MRTFB: variants seen among roughly 807,000 people sequenced by gnomAD.
The protein encoded by MRTFB is myocardin related transcription factor B, also known as myocardin-related transcription factor B.
A neutral mutation model predicts 104.2 loss-of-function variants in MRTFB; 29 were observed. That is an observed-to-expected ratio of 0.28 (90% confidence interval 0.21 to 0.38). MRTFB has a LOEUF of 0.38. MRTFB is among the 10% of genes least tolerant of loss of function. The pLI is 1.00. For synonymous variants in MRTFB, 535 were observed against 519.5 expected, an observed-to-expected ratio of 1.03 and a Z score of -0.41; for missense variants, 1,270 against 1,341.6, an observed-to-expected ratio of 0.95 and a Z score of 0.83.
intron 8 of MRTFB, 102 bp from the exon 9 acceptor site, chr16:14,234,044 T>A: frequency 1.0e-5 from 15 of 1,432,606 alleles, no homozygotes; most frequent in Non-Finnish European, 1.4e-5. Context: ...TTGCTTCTTT[T>A]CTAGTGGGCT....
chr16:14,138,973 C>T (rs2037862372), intron 2 of MRTFB, among the ~76,000 whole-genome samples: 1 of 151,984 alleles, frequency 6.6e-6, no homozygotes, highest in African/African-American at 2.4e-5. Context: ...GAAACTAGAT[C>T]TAGAAGAAAA....
At chr16:14,140,497 G>C (rs2037940005) in intron 2 of MRTFB, 47 bp from the exon 3 acceptor site, 1 of 1,375,108 alleles carries the variant, frequency 7.3e-7, no homozygotes, top group African/African-American at 1.4e-5. Context: ...GTGCAAATTG[G>C]AGAAACATAA....
chr16:14,036,569 A>C, the MRTFB span, among the ~76,000 whole-genome samples: 1 of 150,054 alleles, frequency 6.7e-6, no homozygotes, highest in Non-Finnish European at 1.5e-5. Flanking sequence ...AAATATATAC[A>C]TTCCATCATA....
chr16:14,137,972 TC>T (rs1460016006), intron 2 of MRTFB, among the ~76,000 whole-genome samples: 1 of 152,086 alleles, frequency 6.6e-6, no homozygotes, highest in African/African-American at 2.4e-5. Flanking sequence ...ATCTTTTCCT[TC>T]TTTTGGATTA....
intron 9 of MRTFB, among the ~76,000 whole-genome samples, chr16:14,237,616 T>C (rs920449952): frequency 6.6e-6 from 1 of 152,156 alleles, no homozygotes; most frequent in African/African-American, 2.4e-5. Flanking sequence ...CTGTTTGTGA[T>C]CCAGTGGGAG....
At chr16:14,255,633 A>G (rs931939350) in intron 15 of MRTFB, among the ~76,000 whole-genome samples, 3 of 152,228 alleles carry the variant, frequency 2.0e-5, no homozygotes, top group African/African-American at 7.2e-5. Context: ...AGGAGTGTAT[A>G]GCATGTGTAG....
intron 13 of MRTFB, among the ~76,000 whole-genome samples, chr16:14,250,587 G>A (rs574784024): frequency 2.2e-4 from 33 of 152,348 alleles, no homozygotes; most frequent in Admixed American, 4.6e-4. Flanking sequence ...TGTGACCACA[G>A]CAGGTTGAGG....
intron 3 of MRTFB, among the ~76,000 whole-genome samples, chr16:14,174,608 G>C (rs550875610): frequency 6.6e-6 from 1 of 152,142 alleles, no homozygotes; most frequent in Non-Finnish European, 1.5e-5. Context: ...ACTTGAGCCC[G>C]GGAGGCAGAG....
At chr16:14,031,571 G>A in the MRTFB span, among the ~76,000 whole-genome samples, 29 of 152,194 alleles carry the variant, frequency 1.9e-4, no homozygotes, top group Admixed American at 4.6e-4. Flanking sequence ...AGGACCAAGC[G>A]TAAGTGGATT....
At chr16:14,055,630 A>G in the MRTFB span, among the ~76,000 whole-genome samples, 12 of 152,214 alleles carry the variant, frequency 7.9e-5, no homozygotes, top group Middle Eastern at 3.4e-3. Flanking sequence ...TCATGATTAG[A>G]CGGAGGTTAT....
At chr16:14,122,286 A>G (rs2036888420) in intron 2 of MRTFB, among the ~76,000 whole-genome samples, 1 of 151,328 alleles carries the variant, frequency 6.6e-6, no homozygotes, top group Non-Finnish European at 1.5e-5. Context: ...TTAATGTACC[A>G]ACTTTTTTTT....
At chr16:14,036,890 TC>T in the MRTFB span, among the ~76,000 whole-genome samples, 2 of 151,286 alleles carry the variant, frequency 1.3e-5, no homozygotes, top group East Asian at 1.9e-4. Context: ...GTAGCAGCTT[TC>T]CCCTTTTCAT....
At chr16:14,138,467 A>G (rs2037834445) in intron 2 of MRTFB, among the ~76,000 whole-genome samples, 1 of 152,180 alleles carries the variant, frequency 6.6e-6, no homozygotes, top group Admixed American at 6.5e-5. Flanking sequence ...TCCATTGGAT[A>G]TGTAATTCAG....
intron 3 of MRTFB, chr16:14,200,479 A>C (rs757959372): frequency 1.2e-6 from 2 of 1,610,538 alleles, no homozygotes; most frequent in African/African-American, 2.7e-5. Context: ...TTTTCCACTT[A>C]TTCTTTCGAG....
chr16:14,157,187 T>C (rs1177694536), intron 3 of MRTFB, among the ~76,000 whole-genome samples: 1 of 152,234 alleles, frequency 6.6e-6, no homozygotes, highest in African/African-American at 2.4e-5. Context: ...TAGCTCATGA[T>C]TATATTGTGA....
In MRTFB at chr16:14,219,052, T is replaced by A. The variant is rs925803047; in HGVS notation, c.693+54T>A. 11 of 1,500,884 alleles carry A rather than the reference T, an allele frequency of 7.3e-6. No homozygotes were observed. The East Asian group carries it at 1.2e-4, about 16-fold the overall frequency. 93.0% of individuals were successfully genotyped at this position (1,500,884 alleles called of 1,614,324 possible). ...AGAAAGAAAATGCCTTGTTTTTTTT[T>A]AATATATTAAGGTAATACACTTTGA... On this transcript the variant is annotated intron_variant, in intron 8 of 16. Coordinates refer to ENST00000571589, the MANE Select transcript of MRTFB (RefSeq NM_001308142.2).
chr16:14,040,389 C>G, the MRTFB span, among the ~76,000 whole-genome samples: 1 of 151,806 alleles, frequency 6.6e-6, no homozygotes, highest in Admixed American at 6.6e-5. Flanking sequence ...GCCAGTTGCC[C>G]TTTAGAATAG....
the MRTFB span, among the ~76,000 whole-genome samples, chr16:14,012,416 A>C: frequency 1.3e-5 from 2 of 149,104 alleles, no homozygotes; most frequent in Non-Finnish European, 3.0e-5. Flanking sequence ...CTCCTGCCTC[A>C]GCCTCCCAAG....
chr16:14,233,859 C>T lies in MRTFB; in HGVS notation c.694-287C>T, dbSNP rs192070804. 5.3e-5 allele frequency among the ~76,000 whole-genome samples: 8 copies of T among 151,536 alleles called. No homozygotes were observed. The East Asian group carries it at 1.5e-3, about 29-fold the overall frequency. ...ACAAGTGTCTTGGACTTTTCTTTCC[C>T]TGCCAATAAAGAGTGGGTTCTGACT... On this transcript the variant is annotated intron_variant, in intron 8 of 16. Coordinates refer to ENST00000571589, the MANE Select transcript of MRTFB (RefSeq NM_001308142.2).
Sources: gnomAD v4.1 joint callset for allele counts (sites outside exome capture counted in the v4.1 genomes callset) on GRCh38, gnomAD v4.1.1 for gene constraint, MANE v1.5 for transcripts, NCBI Gene and HGNC (gene_info 2026-07-23, HGNC 2026-07-21) for gene names.